The following CACNA1D variants were observed in gnomAD, a reference collection of about 807,000 sequenced individuals.
CACNA1D encodes calcium voltage-gated channel subunit alpha1 D.
A neutral mutation model predicts 257.1 loss-of-function variants in CACNA1D; 55 were observed. The observed-to-expected ratio is 0.21, with a 90% CI of 0.17 to 0.27. CACNA1D has a LOEUF of 0.27. Among genes scored for constraint, CACNA1D ranks in the 10% least tolerant of loss-of-function variants. The probability of loss-of-function intolerance (pLI) is 1.00; values close to 1 mark genes in which losing one functional copy is unlikely to be tolerated. For missense variants in CACNA1D, 1,876 were observed against 2,784.0 expected (o/e 0.67, Z 7.34); for synonymous variants, 980 against 1,014.9 (o/e 0.97, Z 0.65).
chr3:53,499,096 T>C (rs572631282), intron 2 of CACNA1D, among the ~76,000 whole-genome samples: 30 of 151,500 alleles, frequency 2.0e-4, no homozygotes, highest in Non-Finnish European at 4.0e-4. Context: ...TTGTGTGGAG[T>C]AGGTGGGAGG....
intron 3 of CACNA1D, among the ~76,000 whole-genome samples, chr3:53,520,427 G>A (rs915650280): frequency 9.9e-5 from 15 of 152,142 alleles, no homozygotes; most frequent in Non-Finnish European, 2.1e-4. Flanking sequence ...CTTATTAGCC[G>A]TTTGTATCAA....
At chr3:53,773,034 T>C (rs2109017608) in intron 33 of CACNA1D, 136 bp downstream of exon 33, 2 of 785,326 alleles carry the variant, frequency 2.5e-6, no homozygotes, top group Non-Finnish European at 4.4e-6. Context: ...CCTAGGAAGA[T>C]GAGAAAGACA....
At position 53,522,639 on chromosome 3, in the gene CACNA1D, T is replaced by C. The variant is rs78068489; in HGVS notation, c.483+20919T>C. Among the ~76,000 whole-genome samples, 190 of 152,342 alleles carry C rather than the reference T, an allele frequency of 1.2e-3. 2 individuals carry two copies. Among genetic ancestry groups the C allele is most frequent in the African/African-American group, 4.3e-3 (177 of 41,570 alleles). ...TAGGGGAAGATGTTGAAGAATTTTT[T>C]ATCGAAAATTTTATTGATATGTAAT... On this transcript the variant is annotated intron_variant, in intron 3 of 47. Transcript: ENST00000350061.
intron 30 of CACNA1D, among the ~76,000 whole-genome samples, chr3:53,766,918 C>T (rs2095335468): frequency 6.6e-6 from 1 of 152,198 alleles, no homozygotes; most frequent in Non-Finnish European, 1.5e-5. Flanking sequence ...CTTCCCCAGT[C>T]TGGTGTCCTC....
At chr3:53,775,825 A>C in intron 34 of CACNA1D, 61 bp from the exon 35 acceptor site, 1 of 1,530,794 alleles carries the variant, frequency 6.5e-7, no homozygotes, top group Non-Finnish European at 9.0e-7. Context: ...CTCCCCTAAG[A>C]TCTAAGCTTC....
intron 39 of CACNA1D, chr3:53,782,816 C>G (rs2095433204): frequency 1.3e-5 from 2 of 152,242 alleles, no homozygotes; most frequent in Non-Finnish European, 2.9e-5. Flanking sequence ...CTGGAGGGCC[C>G]TGGCTTCCCA....
At chr3:53,718,570 T>TCCCCCCCCCCC in intron 10 of CACNA1D, 182 bp downstream of exon 10, 2 of 717,960 alleles carry the variant, frequency 2.8e-6, no homozygotes, top group South Asian at 1.5e-5. Flanking sequence ...CCTGCACACC[T>TCCCCCCCCCCC]CCCCACCCCC....
rs1031928559 is a variant in CACNA1D at position 53,687,452 on chromosome 3, A to T, written c.1220+14326A>T. ...GAATAACAAATTCAGAAATTCCTTT[A>T]TATGTTCAATTGCTTTTTGATAAAG... On this transcript the variant is annotated intron_variant, in intron 8 of 47. Transcript: ENST00000350061. 2.0e-5 allele frequency among the ~76,000 whole-genome samples: 3 copies of T among 152,000 alleles called. No individual in the cohort carries two copies. In the South Asian group the frequency reaches 6.2e-4, roughly 31 times the overall value.
At chr3:53,762,437 A>G in intron 30 of CACNA1D, 4 of 424,496 alleles carry the variant, frequency 9.4e-6, no homozygotes, top group South Asian at 5.4e-5. Flanking sequence ...GGGATGTTTC[A>G]AGTCGCCGTG....
At chr3:53,538,374 C>T (rs1299690454) in intron 3 of CACNA1D, among the ~76,000 whole-genome samples, 1 of 152,034 alleles carries the variant, frequency 6.6e-6, no homozygotes, top group South Asian at 2.1e-4. Flanking sequence ...CCAGGCTGGT[C>T]TCAAACTCCT....
In CACNA1D at chr3:53,726,915, G is replaced by T; in HGVS notation, c.2137G>T (p.Asp713Tyr). The T allele has an allele frequency of 6.2e-7, 1 of 1,614,166 alleles. No individual in the cohort carries two copies. Among genetic ancestry groups the T allele is most frequent in the South Asian group, 1.1e-5 (1 of 91,078 alleles). ...TGEDWNAVMY[D>Y]GIMAYGGPSS... is the part of the protein sequence containing the mutation. Reference sequence around the variant, plus strand: ...CGAAGACTGGAATGCTGTGATGTACGATGGCATCATGGCTTACGGGGGCCC... The same window carrying T: ...CGAAGACTGGAATGCTGTGATGTACTATGGCATCATGGCTTACGGGGGCCC... Residue 713 changes from aspartate to tyrosine, a missense_variant, in exon 15 of 48, where the codon GAT (aspartate) becomes TAT (tyrosine). This residue lies in a region of CACNA1D where 257 missense variants were observed against 399.7 expected (regional missense o/e 0.64). Transcript: ENST00000350061.
chr3:53,753,725 C>T lies in CACNA1D; in HGVS notation c.3786+43C>T, dbSNP rs374556564. 34 of 1,190,382 alleles carry T rather than the reference C, an allele frequency of 2.9e-5. 1 individual carries two copies. Among genetic ancestry groups the T allele is most frequent in the Middle Eastern group, 3.8e-4 (2 of 5,258 alleles). The allele number at this position is 1,190,382 out of a possible 1,614,324, so 73.7% of individuals were successfully genotyped here. On this transcript the variant is annotated intron_variant, in intron 29 of 47. Transcript: ENST00000350061. Reference sequence around the variant, plus strand: ...CTTTTCAAAGGTTGTTGCTGAGTCACCCTAGAGAAGTACCCGCTTCCTGTT... The same window carrying T: ...CTTTTCAAAGGTTGTTGCTGAGTCATCCTAGAGAAGTACCCGCTTCCTGTT...
intron 3 of CACNA1D, among the ~76,000 whole-genome samples, chr3:53,618,055 G>A (rs554715690): frequency 1.5e-4 from 23 of 152,318 alleles, no homozygotes; most frequent in Non-Finnish European, 3.2e-4. Flanking sequence ...ACCTTGAACA[G>A]CTCTTTGCAT....
chr3:53,570,353 A>C (rs1015993186), intron 3 of CACNA1D, among the ~76,000 whole-genome samples: 1 of 152,238 alleles, frequency 6.6e-6, no homozygotes, highest in African/African-American at 2.4e-5. Context: ...GCATAATTCC[A>C]AAGTTATACA....
chr3:53,529,863 T>C (rs542964614), intron 3 of CACNA1D, among the ~76,000 whole-genome samples: 44 of 152,238 alleles, frequency 2.9e-4, no homozygotes, highest in Non-Finnish European at 5.7e-4. Context: ...AGTTATCAGT[T>C]AATAAGGTTT....
At chr3:53,801,733 G>A (rs920566511) in intron 42 of CACNA1D, among the ~76,000 whole-genome samples, 1 of 152,192 alleles carries the variant, frequency 6.6e-6, no homozygotes, top group Non-Finnish European at 1.5e-5. Flanking sequence ...GACAGGGGTT[G>A]GTGAATTGTT....
intron 8 of CACNA1D, chr3:53,679,398 G>C (rs2094408110): frequency 6.8e-6 from 1 of 147,912 alleles, no homozygotes; most frequent in Admixed American, 6.9e-5. Context: ...TGATATGTCT[G>C]CTTTGTAAAA....
intron 7 of CACNA1D, among the ~76,000 whole-genome samples, chr3:53,666,939 G>A (rs1249455502): frequency 1.3e-5 from 2 of 152,056 alleles, no homozygotes; most frequent in Non-Finnish European, 2.9e-5. Context: ...TATACATCAA[G>A]GCAGGTTGCT....
rs2095180311 is a variant in CACNA1D, at chr3:53,747,382, A to G, written c.3248A>G (p.Asn1083Ser). The G allele has an allele frequency of 6.2e-7, 1 of 1,614,106 alleles. No homozygotes were observed. Among genetic ancestry groups the G allele is most frequent in the Non-Finnish European group, 8.5e-7 (1 of 1,179,968 alleles). ...RERIWQNSDF[N>S]FDNVLSAMMA... Reference sequence around the variant, plus strand: ...CGGATCTGGCAAAACAGTGATTTCAACTTCGACAACGTCCTCTCTGCTATG... The same window carrying G: ...CGGATCTGGCAAAACAGTGATTTCAGCTTCGACAACGTCCTCTCTGCTATG... Residue 1083 changes from asparagine (N) to serine (S), a missense_variant, in exon 26 of 48, where the codon AAC (asparagine) becomes AGC (serine). Transcript: ENST00000350061.
Sources: allele counts gnomAD v4.1 joint callset (sites outside exome capture counted in the v4.1 genomes callset), GRCh38; gene constraint gnomAD v4.1.1; regional missense constraint gnomAD v4.1.1; transcripts MANE v1.5; gene names NCBI Gene and HGNC (gene_info 2026-07-23, HGNC 2026-07-21).